Variants in MED13L observed in about 807,000 individuals in gnomAD.
MED13L encodes the protein mediator complex subunit 13L, also known as mediator of RNA polymerase II transcription subunit 13-like.
MED13L carries 7 observed loss-of-function variants against 220.9 expected under a neutral mutation model. The observed-to-expected ratio is 0.03, with a 90% CI of 0.02 to 0.06. MED13L has a LOEUF of 0.06. MED13L is among the 10% of genes least tolerant of loss of function. MED13L has a pLI of 1.00. For missense variants in MED13L, 1,965 were observed against 2,760.5 expected (o/e 0.71, Z 6.46); for synonymous variants, 1,011 against 1,015.2 (o/e 1.00, Z 0.08).
At chr12:116,035,586 T>G (rs1281924957) in intron 4 of MED13L, among the ~76,000 whole-genome samples, 1 of 151,834 alleles carries the variant, frequency 6.6e-6, no homozygotes, top group Non-Finnish European at 1.5e-5. Flanking sequence ...ATATTCTTAT[T>G]AATTAATTAA....
At chr12:116,161,886 C>T (rs1344950523) in intron 2 of MED13L, among the ~76,000 whole-genome samples, 1 of 152,132 alleles carries the variant, frequency 6.6e-6, no homozygotes, top group African/African-American at 2.4e-5. Context: ...CTCTCTATCA[C>T]CTTTACTCAC....
chr12:116,087,364 A>T (rs897736597), intron 4 of MED13L, among the ~76,000 whole-genome samples: 1 of 152,220 alleles, frequency 6.6e-6, no homozygotes, highest in Non-Finnish European at 1.5e-5. Context: ...ATGAGGAAAA[A>T]AATGTTAGAA....
In MED13L at chr12:116,277,326, G is replaced by A. The variant is rs1873957842; in HGVS notation, c.-195C>T. ...GCCGCGCCGGGGGCAGCGGGCCCGG[G>A]CTGGCGGGGGGGGCGCGCGCCCCGG... On this transcript the variant is annotated 5_prime_UTR_variant, in exon 1 of 31. Transcript: ENST00000281928. The A allele has an allele frequency of 5.2e-3, 1 of 194 alleles. No individual in the cohort carries two copies. Among genetic ancestry groups the A allele is most frequent in the African/African-American group, 0.023 (1 of 44 alleles). 0.0% of individuals were successfully genotyped at this position (194 alleles called of 1,614,324 possible). A position where few individuals can be genotyped will look rare whatever the true frequency, so the allele number is the denominator to read the frequency against.
At chr12:115,970,812 C>A in intron 26 of MED13L, 42 bp from the exon 27 acceptor site, 1 of 1,583,644 alleles carries the variant, frequency 6.3e-7, no homozygotes, top group Admixed American at 1.7e-5. Context: ...AATGAACAAC[C>A]CCAGAAATGA....
At chr12:116,242,752 GA>G (rs1280576185) in intron 1 of MED13L, among the ~76,000 whole-genome samples, 1 of 152,144 alleles carries the variant, frequency 6.6e-6, no homozygotes, top group African/African-American at 2.4e-5. Context: ...TTAGGACTCA[GA>G]AAGGTTGAAT....
At chr12:116,140,070 T>C (rs1010303013) in intron 2 of MED13L, among the ~76,000 whole-genome samples, 1 of 150,866 alleles carries the variant, frequency 6.6e-6, no homozygotes, top group Non-Finnish European at 1.5e-5. Flanking sequence ...TTTAAGAGTA[T>C]ACTTTCTTTT....
At chr12:116,148,076 A>AAAAAAAAAAAAAAAG (rs1264462636) in intron 2 of MED13L, among the ~76,000 whole-genome samples, 12 of 50,554 alleles carry the variant, frequency 2.4e-4, no homozygotes, top group African/African-American at 6.3e-4. Context: ...AAAAAAAAAG[A>AAAAAAAAAAAAAAAG]GGGGGGCGGG....
chr12:116,216,786 G>T lies in MED13L; in HGVS notation c.310+20682C>A, dbSNP rs901143684. Among the ~76,000 whole-genome samples, 5 of 152,252 alleles carry T rather than the reference G, an allele frequency of 3.3e-5. No individual in the cohort carries two copies. The South Asian group carries it at 1.0e-3, about 32-fold the overall frequency. ...TTCAGCTCCTCAAGAGAAATTTGGT[G>T]GTTTGAAAACTAGTTACTGTAGCAA... On this transcript the variant is annotated intron_variant, in intron 2 of 30. Transcript: ENST00000281928.
intron 2 of MED13L, among the ~76,000 whole-genome samples, chr12:116,229,826 AT>A (rs1869379975): frequency 6.6e-6 from 1 of 152,204 alleles, no homozygotes; most frequent in Admixed American, 6.5e-5. Context: ...CACTAGACCC[AT>A]TCAGATAATC....
intron 2 of MED13L, among the ~76,000 whole-genome samples, chr12:116,189,158 T>A (rs1565919748): frequency 6.6e-6 from 1 of 152,164 alleles, no homozygotes; most frequent in Non-Finnish European, 1.5e-5. Context: ...TCCAGCAACA[T>A]CCTCTCCAGC....
At chr12:116,041,655 T>C (rs1592978692) in intron 4 of MED13L, among the ~76,000 whole-genome samples, 1 of 152,132 alleles carries the variant, frequency 6.6e-6, no homozygotes, top group Admixed American at 6.5e-5. Flanking sequence ...CCATCCTGGC[T>C]AACACGGTGA....
Position 116,277,358 on chromosome 12 carries a change from G to A in MED13L, c.-227C>T, listed in dbSNP as rs1858718306. 3.0e-4 allele frequency: 1 copy of A among 3,350 alleles called. No individual in the cohort carries two copies. Among genetic ancestry groups the A allele is most frequent in the Admixed American group, 7.6e-3 (1 of 132 alleles). The allele number at this position is 3,350 out of a possible 1,614,324, so 0.2% of individuals were successfully genotyped here. ...GGGGGGGCGCGCGCCCCGGGCCGGCGCTGCGGGCCGGCCACCGCCTCCGCC... is the reference window on the plus strand; with the variant it reads ...GGGGGGGCGCGCGCCCCGGGCCGGCACTGCGGGCCGGCCACCGCCTCCGCC... On this transcript the variant is annotated 5_prime_UTR_variant, in exon 1 of 31. Transcript: ENST00000281928.
intron 28 of MED13L, among the ~76,000 whole-genome samples, chr12:115,967,233 T>TA (rs1202325537): frequency 7.0e-6 from 1 of 143,654 alleles, no homozygotes. Context: ...CTGCAGCTAC[T>TA]ACATCAAACT....
chr12:116,240,311 G>A (rs1054053471), intron 1 of MED13L, among the ~76,000 whole-genome samples: 3 of 151,862 alleles, frequency 2.0e-5, no homozygotes, highest in African/African-American at 7.3e-5. Context: ...TGGCCAGGCT[G>A]GTCTCAAACT....
chr12:116,249,734 CAAAAAAAAAAAAAA>C (rs58809334), intron 1 of MED13L, among the ~76,000 whole-genome samples: 523 of 19,680 alleles, frequency 0.027, 18 homozygotes, highest in Non-Finnish European at 0.038. Context: ...AGTACCTACC[CAAAAAAAAAAAAAA>C]AAAAAAAAAA....
At position 116,264,383 on chromosome 12, in the gene MED13L, ACTTTAAAAC is replaced by A. The variant is rs2138568666; in HGVS notation, c.72+12668_72+12676del. On this transcript the variant is annotated intron_variant, in intron 1 of 30. Transcript: ENST00000281928. ...TCAGTTTTATACTTGTGAAATTGTA[ACTTTAAAAC>A]CTTTAAAGGAAGGTAACAAAAATAA... Among the ~76,000 whole-genome samples, 4 of 152,352 alleles carry A rather than the reference ACTTTAAAAC, an allele frequency of 2.6e-5. No homozygotes were observed. In the South Asian group the frequency reaches 8.3e-4, roughly 32 times the overall value.
intron 4 of MED13L, among the ~76,000 whole-genome samples, chr12:116,040,994 G>A (rs893895004): frequency 6.6e-6 from 1 of 152,098 alleles, no homozygotes; most frequent in Non-Finnish European, 1.5e-5. Flanking sequence ...AAAAACTATA[G>A]GTGTAGGGAG....
At chr12:116,233,950 T>C (rs1210661177) in intron 2 of MED13L, among the ~76,000 whole-genome samples, 1 of 152,186 alleles carries the variant, frequency 6.6e-6, no homozygotes, top group Non-Finnish European at 1.5e-5. Flanking sequence ...AAGTATAATA[T>C]CATAAAACTA....
intron 2 of MED13L, among the ~76,000 whole-genome samples, chr12:116,158,660 A>C (rs1426435643): frequency 6.6e-6 from 1 of 152,240 alleles, no homozygotes; most frequent in Non-Finnish European, 1.5e-5. Context: ...ACAGACAAAA[A>C]TTAGGGATAA....
Sources: allele counts gnomAD v4.1 joint callset (sites outside exome capture counted in the v4.1 genomes callset), GRCh38; gene constraint gnomAD v4.1.1; transcripts MANE v1.5; gene names NCBI Gene and HGNC (gene_info 2026-07-23, HGNC 2026-07-21).